DDHD1: variants seen among roughly 807,000 people sequenced by gnomAD.
DDHD1 encodes DDHD domain containing 1.
A neutral mutation model predicts 96.4 loss-of-function variants in DDHD1; 49 were observed. The observed-to-expected ratio is 0.51, with a 90% CI of 0.40 to 0.64. The LOEUF (loss-of-function observed/expected upper bound fraction) is 0.64, where lower values mean the gene tolerates loss of function less well. Ranked by LOEUF, DDHD1 falls within the 30% of genes least tolerant of loss-of-function variation. The pLI, the probability that DDHD1 is intolerant of heterozygous loss-of-function variation, is 0.00. For missense variants in DDHD1, 1,106 were observed against 1,161.2 expected, an observed-to-expected ratio of 0.95 and a Z score of 0.69; for synonymous variants, 442 against 446.5, an observed-to-expected ratio of 0.99 and a Z score of 0.13.
chr14:53,077,663 G>GTT (rs752020104), intron 4 of DDHD1, among the ~76,000 whole-genome samples: 2 of 56,730 alleles, frequency 3.5e-5, no homozygotes, highest in Non-Finnish European at 4.0e-5. Flanking sequence ...ATTAGTTTTT[G>GTT]TTTTTGTTTT....
At chr14:53,125,896 T>C (rs1182188413) in intron 1 of DDHD1, among the ~76,000 whole-genome samples, 2 of 152,094 alleles carry the variant, frequency 1.3e-5, no homozygotes, top group Non-Finnish European at 2.9e-5. Flanking sequence ...AGAGACAGGG[T>C]TTCACCATGT....
chr14:53,055,224 A>G (rs1882939392), intron 10 of DDHD1, among the ~76,000 whole-genome samples: 1 of 152,212 alleles, frequency 6.6e-6, no homozygotes, highest in East Asian at 1.9e-4. Flanking sequence ...AAAATTAAAC[A>G]TCCTTGTTGC....
intron 1 of DDHD1, among the ~76,000 whole-genome samples, chr14:53,148,035 G>T (rs1322824494): frequency 6.6e-6 from 1 of 152,094 alleles, no homozygotes; most frequent in African/African-American, 2.4e-5. Context: ...TAATCTTCCC[G>T]TTGTTGCAAT....
chr14:53,117,750 AC>A (rs1888658763), intron 1 of DDHD1, among the ~76,000 whole-genome samples: 1 of 151,654 alleles, frequency 6.6e-6, no homozygotes, highest in Admixed American at 6.6e-5. Flanking sequence ...AAGGCAGCAG[AC>A]AGCTTCTGCA....
intron 1 of DDHD1, among the ~76,000 whole-genome samples, chr14:53,142,352 C>CT (rs1890695445): frequency 6.6e-6 from 1 of 152,012 alleles, no homozygotes; most frequent in Non-Finnish European, 1.5e-5. Context: ...GCCATCCCCA[C>CT]TACTGCTGGT....
At chr14:53,080,319 C>T (rs935590928) in intron 4 of DDHD1, among the ~76,000 whole-genome samples, 1 of 152,140 alleles carries the variant, frequency 6.6e-6, no homozygotes, top group African/African-American at 2.4e-5. Flanking sequence ...TGAGATCATG[C>T]CACTGCACAA....
At chr14:53,067,558 C>T (rs909457779) in intron 6 of DDHD1, among the ~76,000 whole-genome samples, 8 of 151,778 alleles carry the variant, frequency 5.3e-5, no homozygotes, top group Non-Finnish European at 1.0e-4. Flanking sequence ...CCTGGGTTCA[C>T]GCCATTCTCC....
At chr14:53,078,537 C>G (rs1885163388) in intron 4 of DDHD1, among the ~76,000 whole-genome samples, 1 of 152,114 alleles carries the variant, frequency 6.6e-6, no homozygotes, top group African/African-American at 2.4e-5. Context: ...AGACCTTTAT[C>G]AGATATGTGG....
chr14:53,113,390 CAAAAAAAAAAAAA>C (rs60704615), intron 1 of DDHD1, among the ~76,000 whole-genome samples: 1 of 118,268 alleles, frequency 8.5e-6, no homozygotes, highest in African/African-American at 3.9e-5. Context: ...CTGTACAAGC[CAAAAAAAAAAAAA>C]AAAAAAAAAA....
At chr14:53,134,921 C>G (rs112339911) in intron 1 of DDHD1, among the ~76,000 whole-genome samples, 1 of 152,058 alleles carries the variant, frequency 6.6e-6, no homozygotes, top group South Asian at 2.1e-4. Flanking sequence ...CTAATAACCC[C>G]ACAATATCAC....
chr14:53,132,780 C>T (rs1566596340), intron 1 of DDHD1, among the ~76,000 whole-genome samples: 1 of 152,220 alleles, frequency 6.6e-6, no homozygotes, highest in Non-Finnish European at 1.5e-5. Context: ...TGGAATCATT[C>T]ACTGCAAGGG....
rs761649218 is a variant in DDHD1 at position 53,152,960 on chromosome 14, C to T, written c.139G>A (p.Gly47Arg). The change falls in exon 1 of 13, where the codon GGG (glycine) becomes AGG (arginine). Residue 47 changes from glycine to arginine, a missense_variant. Physicochemically the swap from Gly to Arg is moderately radical, Grantham distance 125. This residue lies in a region of DDHD1 where 456 missense variants were observed against 402.4 expected (regional missense o/e 1.13). Coordinates refer to ENST00000673822, the MANE Select transcript of DDHD1 (RefSeq NM_001160148.2). The stretch of plus-strand genomic sequence containing the variant: ...GGCACGTCGCCGTCGTCCGGGTCCC[C>T]GCCGGGCAGGTGCTCGAAGCAGCAG... ...GVCCFEHLPG[G>R]DPDDGDVPLA... 3.1e-6 allele frequency: 5 copies of T among 1,587,916 alleles called. No individual in the cohort carries two copies. The South Asian group carries it at 3.4e-5, about 11-fold the overall frequency.
intron 7 of DDHD1, 150 bp downstream of exon 7, chr14:53,062,793 T>C (rs1883700503): frequency 1.4e-6 from 1 of 735,700 alleles, no homozygotes; most frequent in South Asian, 2.3e-5. Context: ...AAATCAACAG[T>C]CTCCAGCTTG....
At chr14:53,119,022 G>C (rs1043444579) in intron 1 of DDHD1, among the ~76,000 whole-genome samples, 2 of 152,170 alleles carry the variant, frequency 1.3e-5, no homozygotes, top group African/African-American at 4.8e-5. Context: ...CATTCTTAAA[G>C]AAAAGGATTT....
chr14:53,054,334 G>C, intron 11 of DDHD1, 104 bp downstream of exon 11: 1 of 971,514 alleles, frequency 1.0e-6, no homozygotes, highest in Middle Eastern at 3.4e-4. Flanking sequence ...GCACACTTTA[G>C]ATCTTAGAGT....
rs1881923431 is a variant in DDHD1 at position 53,045,188 on chromosome 14, T to C, written c.*1580A>G. 1 of 152,278 alleles carries C rather than the reference T, an allele frequency of 6.6e-6. No individual in the cohort carries two copies. Among genetic ancestry groups the C allele is most frequent in the Non-Finnish European group, 1.5e-5 (1 of 68,082 alleles). The allele number at this position is 152,278 out of a possible 1,614,324, so 9.4% of individuals were successfully genotyped here. The stretch of plus-strand genomic sequence containing the variant: ...ATGTGAATCAAGTCATTGAACAGCA[T>C]ATAAAAGAATATGGCCTGGCTTCAA... On this transcript the variant is annotated 3_prime_UTR_variant, in exon 13 of 13. Coordinates refer to ENST00000673822, the MANE Select transcript of DDHD1 (RefSeq NM_001160148.2).
chr14:53,084,505 C>T (rs533663910), intron 4 of DDHD1, among the ~76,000 whole-genome samples: 25 of 152,066 alleles, frequency 1.6e-4, no homozygotes, highest in Non-Finnish European at 3.1e-4. Flanking sequence ...ATAAACATCA[C>T]GGGAAGTAAT....
intron 1 of DDHD1, among the ~76,000 whole-genome samples, chr14:53,118,318 T>C (rs756820356): frequency 1.3e-5 from 2 of 152,176 alleles, no homozygotes; most frequent in East Asian, 3.9e-4. Flanking sequence ...ACGAGTTTGA[T>C]GAGTTGACAG....
At chr14:53,133,047 G>A (rs929215447) in intron 1 of DDHD1, among the ~76,000 whole-genome samples, 4 of 152,072 alleles carry the variant, frequency 2.6e-5, no homozygotes, top group Non-Finnish European at 4.4e-5. Flanking sequence ...TCATAACCTC[G>A]TCCATGAAGG....
Sources: allele counts gnomAD v4.1 joint callset (sites outside exome capture counted in the v4.1 genomes callset), GRCh38; gene constraint gnomAD v4.1.1; regional missense constraint gnomAD v4.1.1; transcripts MANE v1.5; gene names NCBI Gene and HGNC (gene_info 2026-07-23, HGNC 2026-07-21).